The following GCC2 variants were observed in gnomAD, a reference collection of about 807,000 sequenced individuals.
The protein encoded by GCC2 is GRIP and coiled-coil domain containing 2.
Under a neutral mutation model 210.6 loss-of-function variants are expected in GCC2, and 120 were observed. The observed-to-expected ratio is 0.57, with a 90% CI of 0.49 to 0.66. The LOEUF (loss-of-function observed/expected upper bound fraction) is 0.66, where lower values mean the gene tolerates loss of function less well. Among genes scored for constraint, GCC2 ranks in the 30% least tolerant of loss-of-function variants. The pLI, the probability that GCC2 is intolerant of heterozygous loss-of-function variation, is 0.00. For synonymous variants in GCC2, 703 were observed against 652.7 expected (o/e 1.08, Z -1.17); for missense variants, 1,868 against 1,871.9 (o/e 1.00, Z 0.04).
At chr2:108,502,249 T>C (rs982086836) in intron 22 of GCC2, among the ~76,000 whole-genome samples, 2 of 152,194 alleles carry the variant, frequency 1.3e-5, no homozygotes, top group African/African-American at 4.8e-5. Context: ...AACAATGATA[T>C]TATCTCAAAA....
chr2:108,492,855 T>C (rs1328546377), intron 19 of GCC2, 65 bp downstream of exon 19: 2 of 1,179,434 alleles, frequency 1.7e-6, no homozygotes, highest in Admixed American at 1.8e-5. Context: ...TTAAATACAT[T>C]CTTCACAAAT....
intron 9 of GCC2, among the ~76,000 whole-genome samples, chr2:108,480,224 G>A (rs1050981712): frequency 2.6e-5 from 4 of 152,140 alleles, no homozygotes; most frequent in African/African-American, 9.7e-5. Context: ...CCTCACATCA[G>A]TCAGGATGGC....
At chr2:108,492,476 G>A in intron 18 of GCC2, 97 bp from the exon 19 acceptor site, 1 of 733,992 alleles carries the variant, frequency 1.4e-6, no homozygotes, top group South Asian at 1.6e-5. Context: ...TTCAGTAGAG[G>A]TCTTAGAGCT....
intron 22 of GCC2, among the ~76,000 whole-genome samples, chr2:108,500,881 C>T (rs1191118846): frequency 1.3e-5 from 2 of 152,070 alleles, no homozygotes; most frequent in Non-Finnish European, 2.9e-5. Context: ...TTCTCTGTCA[C>T]CTATACCTAG....
chr2:108,452,838 C>T (rs1268267070), intron 4 of GCC2, among the ~76,000 whole-genome samples: 3 of 151,824 alleles, frequency 2.0e-5, no homozygotes, highest in African/African-American at 7.3e-5. Flanking sequence ...GGACTACAGG[C>T]GCCCGCCACC....
At chr2:108,487,900 A>AAT (rs1682226340) in intron 17 of GCC2, 80 bp downstream of exon 17, 5 of 648,098 alleles carry the variant, frequency 7.7e-6, no homozygotes, top group African/African-American at 7.4e-5. Flanking sequence ...TCCTATTATG[A>AAT]TTTTTTTTTT....
At chr2:108,452,337 A>G in intron 3 of GCC2, 62 bp from the exon 4 acceptor site, 1 of 859,942 alleles carries the variant, frequency 1.2e-6, no homozygotes, top group East Asian at 2.4e-5. Flanking sequence ...TGTACTTATC[A>G]GTTTCCCAGT....
At position 108,498,183 on chromosome 2, in the gene GCC2, C is replaced by CTTTTTT. The variant is rs3084885; in HGVS notation, c.4782+1099_4782+1104dup. Among the ~76,000 whole-genome samples, 333 of 57,500 alleles carry CTTTTTT rather than the reference C, an allele frequency of 5.8e-3. 56 individuals carry two copies. The highest frequency in any genetic ancestry group is 7.8e-3 in the African/African-American group (106 of 13,652). 37.7% of individuals were successfully genotyped at this position (57,500 alleles called of 152,430 possible). ...ATGACTTATTTAAATGTTATATTTTCTTTTTTTTTTTTTTTTTTTTTTTTT... is the reference window on the plus strand; with the variant it reads ...ATGACTTATTTAAATGTTATATTTTCTTTTTTTTTTTTTTTTTTTTTTTTTTTTTTT... On this transcript the variant is annotated intron_variant, in intron 21 of 22. Transcript: ENST00000309863.
intron 17 of GCC2, among the ~76,000 whole-genome samples, chr2:108,488,324 A>G (rs916883057): frequency 7.2e-5 from 11 of 152,184 alleles, no homozygotes; most frequent in Non-Finnish European, 1.5e-4. Flanking sequence ...TACAAAGAAC[A>G]CTGTTGCAAC....
chr2:108,493,751 G>A (rs899169142), intron 19 of GCC2: 38 of 985,302 alleles, frequency 3.9e-5, no homozygotes, highest in Non-Finnish European at 4.6e-5. Context: ...GGGTAAAAAA[G>A]CAACTTCAGA....
At chr2:108,464,729 A>G (rs1680784161) in intron 4 of GCC2, among the ~76,000 whole-genome samples, 1 of 152,180 alleles carries the variant, frequency 6.6e-6, no homozygotes, top group African/African-American at 2.4e-5. Context: ...GTCTATGGGA[A>G]AAATGGAAGG....
At chr2:108,473,655 G>A (rs2718704) in intron 7 of GCC2, among the ~76,000 whole-genome samples, 92,352 of 151,938 alleles carry the variant, frequency 0.61, 28,750 homozygotes, top group East Asian at 0.96. Flanking sequence ...TTAGTACCCT[G>A]TTAGATTAGG....
At chr2:108,458,296 T>C (rs1482121085) in intron 4 of GCC2, among the ~76,000 whole-genome samples, 5 of 151,030 alleles carry the variant, frequency 3.3e-5, no homozygotes, top group Non-Finnish European at 5.9e-5. Flanking sequence ...CTTTTCAATG[T>C]GCTGTTAGAT....
At chr2:108,460,242 G>C (rs1196212887) in intron 4 of GCC2, among the ~76,000 whole-genome samples, 1 of 152,188 alleles carries the variant, frequency 6.6e-6, no homozygotes, top group African/African-American at 2.4e-5. Flanking sequence ...CTTTCAGTCT[G>C]TATGTCTCTT....
chr2:108,461,778 G>T (rs7593788), intron 4 of GCC2, among the ~76,000 whole-genome samples: 1 of 150,224 alleles, frequency 6.7e-6, no homozygotes, highest in Non-Finnish European at 1.5e-5. Flanking sequence ...TTCTGGGATT[G>T]CAAGCATGAG....
At chr2:108,481,616 A>G (rs1377208934) in intron 9 of GCC2, 81 bp from the exon 10 acceptor site, 2 of 1,035,126 alleles carry the variant, frequency 1.9e-6, no homozygotes, top group Non-Finnish European at 2.8e-6. Flanking sequence ...GGACTCATGA[A>G]TCTTAAGGTG....
chr2:108,495,739 C>A, intron 20 of GCC2: 1 of 236,518 alleles, frequency 4.2e-6, no homozygotes, highest in South Asian at 6.3e-5. Context: ...GGCTGAGGAG[C>A]AGTGAGAGCC....
At chr2:108,475,712 A>G in intron 8 of GCC2, 40 bp from the exon 9 acceptor site, 3 of 1,512,666 alleles carry the variant, frequency 2.0e-6, no homozygotes, top group Non-Finnish European at 2.7e-6. Context: ...CCATTAAAAA[A>G]AAACAAAAAC....
intron 22 of GCC2, among the ~76,000 whole-genome samples, chr2:108,504,435 G>A (rs1683085822): frequency 6.6e-6 from 1 of 152,088 alleles, no homozygotes; most frequent in South Asian, 2.1e-4. Flanking sequence ...TAAATTTCAA[G>A]CAGATGTCAT....
Sources: allele counts gnomAD v4.1 joint callset (sites outside exome capture counted in the v4.1 genomes callset), GRCh38; gene constraint gnomAD v4.1.1; transcripts MANE v1.5; gene names NCBI Gene and HGNC (gene_info 2026-07-23, HGNC 2026-07-21).